CSMD3: variants seen among roughly 807,000 people sequenced by gnomAD.
CSMD3 encodes CUB and Sushi multiple domains 3, also known as CUB and sushi domain-containing protein 3.
Under a neutral mutation model 435.2 loss-of-function variants are expected in CSMD3, and 177 were observed. The ratio of observed to expected loss-of-function variants is 0.41; its 90% CI spans 0.36 to 0.46. The LOEUF (loss-of-function observed/expected upper bound fraction) is 0.46, where lower values mean the gene tolerates loss of function less well. Among genes scored for constraint, CSMD3 ranks in the 20% least tolerant of loss-of-function variants. CSMD3 has a pLI of 0.34. For synonymous variants in CSMD3, 1,656 were observed against 1,520.5 expected, an observed-to-expected ratio of 1.09 and a Z score of -2.07; for missense variants, 4,265 against 4,504.6, an observed-to-expected ratio of 0.95 and a Z score of 1.52.
chr8:113,284,079 C>A (rs1588439572), intron 2 of CSMD3, among the ~76,000 whole-genome samples: 1 of 152,006 alleles, frequency 6.6e-6, no homozygotes, highest in Admixed American at 6.6e-5. Flanking sequence ...ACTTTGGGGA[C>A]TTGGGGGAGA....
rs1832150891 is a variant in CSMD3, at chr8:112,409,485, T to C, written c.5396-453A>G. Among the ~76,000 whole-genome samples the C allele has an allele frequency of 3.9e-5, 6 of 152,150 alleles. No homozygotes were observed. The South Asian group carries it at 1.2e-3, about 31-fold the overall frequency. On this transcript the variant is annotated intron_variant, in intron 32 of 70. Coordinates refer to ENST00000297405, the MANE Select transcript of CSMD3 (RefSeq NM_198123.2). The stretch of plus-strand genomic sequence containing the variant: ...TTTTTTAAGTTGTCCTTAAAAATGT[T>C]ATTCCATTATGAGTAATAATTTCAT...
chr8:112,732,342 T>G (rs78003804), intron 13 of CSMD3, among the ~76,000 whole-genome samples: 2,090 of 152,238 alleles, frequency 0.014, 19 homozygotes, highest in Admixed American at 0.022. Context: ...GCTTATTTGT[T>G]AAAATGGGTT....
intron 38 of CSMD3, among the ~76,000 whole-genome samples, chr8:112,369,134 T>C (rs10108682): frequency 0.04 from 6,152 of 152,222 alleles, 143 homozygotes; most frequent in African/African-American, 0.047. Flanking sequence ...ACTTTGAAAG[T>C]AGTCATAGAC....
intron 10 of CSMD3, among the ~76,000 whole-genome samples, chr8:112,906,355 C>T (rs770950382): frequency 1.3e-5 from 2 of 151,256 alleles, no homozygotes; most frequent in African/African-American, 2.4e-5. Flanking sequence ...GCATCAAAAA[C>T]TTCACCCCAA....
chr8:113,094,151 T>C (rs530081409), intron 5 of CSMD3, among the ~76,000 whole-genome samples: 1 of 152,256 alleles, frequency 6.6e-6, no homozygotes, highest in South Asian at 2.1e-4. Flanking sequence ...ATATTTTCCA[T>C]AATCTAATCT....
chr8:112,739,902 T>G (rs2077265683), intron 13 of CSMD3, among the ~76,000 whole-genome samples: 1 of 151,860 alleles, frequency 6.6e-6, no homozygotes, highest in Admixed American at 6.6e-5. Flanking sequence ...ATCTGGATAT[T>G]ATGCATATTA....
At chr8:112,828,498 T>G (rs2079766287) in intron 12 of CSMD3, among the ~76,000 whole-genome samples, 1 of 152,048 alleles carries the variant, frequency 6.6e-6, no homozygotes, top group Admixed American at 6.6e-5. Flanking sequence ...TCTCTCTCTC[T>G]CTCCTGCCAC....
chr8:112,984,618 T>C (rs1254149533), intron 6 of CSMD3, among the ~76,000 whole-genome samples: 1 of 152,112 alleles, frequency 6.6e-6, no homozygotes, highest in Non-Finnish European at 1.5e-5. Context: ...GACAGATAAG[T>C]CTGTTGCTTA....
In CSMD3 at chr8:113,296,331, C is replaced by A. The variant is rs113724817; in HGVS notation, c.402-17627G>T. 4.0e-3 allele frequency among the ~76,000 whole-genome samples: 553 copies of A among 138,090 alleles called. 3 individuals are homozygous for A. Among genetic ancestry groups the A allele is most frequent in the Non-Finnish European group, 6.7e-3 (417 of 62,446 alleles). 90.6% of individuals were successfully genotyped at this position (138,090 alleles called of 152,430 possible). On this transcript the variant is annotated intron_variant, in intron 2 of 70. Transcript: ENST00000297405. ...AATAATAATAATAGAACAGCCTGGG[C>A]AACATGGTGAAACCACATCTCTACT...
rs1205473811 is a variant in CSMD3, at chr8:113,098,772, C to T, written c.901G>A (p.Glu301Lys). Residue 301 changes from glutamate to lysine, a missense_variant, in exon 5 of 71, where the codon GAG (glutamate) becomes AAG (lysine). Glu to Lys is a moderately conservative substitution (Grantham distance 56). Coordinates refer to ENST00000297405, the MANE Select transcript of CSMD3 (RefSeq NM_198123.2). ...TTTACTTACCATATGGTAGGTGGCT[C>T]AGAACCTTCTATTTCTAAGTAATCA... Reference protein sequence around the residue: ...KYDYLEIEGSEPPTIWLSGMN... With the variant: ...KYDYLEIEGSKPPTIWLSGMN... 6.2e-7 allele frequency: 1 copy of T among 1,609,400 alleles called. No individual in the cohort carries two copies. The highest frequency in any genetic ancestry group is 8.5e-7 in the Non-Finnish European group (1 of 1,176,202).
intron 27 of CSMD3, among the ~76,000 whole-genome samples, chr8:112,542,180 A>C (rs1826728467): frequency 6.6e-6 from 1 of 151,246 alleles, no homozygotes; most frequent in African/African-American, 2.4e-5. Flanking sequence ...ATATATCAAA[A>C]GACCACAGCT....
intron 3 of CSMD3, among the ~76,000 whole-genome samples, chr8:113,174,422 G>A (rs942215670): frequency 2.6e-5 from 4 of 152,086 alleles, no homozygotes; most frequent in East Asian, 3.9e-4. Flanking sequence ...AGTTAGGGAC[G>A]GTGAGCTAGA....
At chr8:112,409,145 T>G (rs1832113612) in intron 32 of CSMD3, 113 bp from the exon 33 acceptor site, 2 of 1,533,622 alleles carry the variant, frequency 1.3e-6, no homozygotes, top group Non-Finnish European at 1.8e-6. Flanking sequence ...TACAATATAA[T>G]AGTCATTTTT....
In CSMD3 at chr8:112,747,843, G is replaced by A. The variant is rs2132086247; in HGVS notation, c.1972+52319C>T. ...CCGGGCGCAGTGGCGGGCGCCTATA[G>A]TCCCAGCTACTCGGGAGGCTGAGGC... is the stretch of plus-strand genomic sequence containing the variant. On this transcript the variant is annotated intron_variant, in intron 13 of 70. Transcript: ENST00000297405. Among the ~76,000 whole-genome samples, 3 of 151,864 alleles carry A rather than the reference G, an allele frequency of 2.0e-5. No individual in the cohort carries two copies. The South Asian group carries it at 6.2e-4, about 32-fold the overall frequency.
At chr8:112,396,272 T>C (rs1374652507) in intron 35 of CSMD3, among the ~76,000 whole-genome samples, 1 of 152,158 alleles carries the variant, frequency 6.6e-6, no homozygotes, top group Non-Finnish European at 1.5e-5. Context: ...CTGACTTGGC[T>C]TAAGTTATTA....
intron 58 of CSMD3, among the ~76,000 whole-genome samples, chr8:112,284,913 T>G (rs931106447): frequency 6.6e-6 from 1 of 152,010 alleles, no homozygotes; most frequent in African/African-American, 2.4e-5. Context: ...AATTTTATAT[T>G]ACCGTGTTTA....
Position 113,319,268 on chromosome 8 carries a change from A to G in CSMD3, c.179-4475T>C, listed in dbSNP as rs1453691676. ...TAATCATACTTACGGGAGTAAGGCA[A>G]TATCTTATAGTGGTTTAAATTTGCA... On this transcript the variant is annotated intron_variant, in intron 1 of 70. Transcript: ENST00000297405. Among the ~76,000 whole-genome samples the G allele has an allele frequency of 9.2e-5, 14 of 152,018 alleles. No individual in the cohort carries two copies. In the East Asian group the frequency reaches 2.1e-3, roughly 23 times the overall value.
chr8:113,401,402 AT>A (rs1180938319), intron 1 of CSMD3, among the ~76,000 whole-genome samples: 1 of 151,692 alleles, frequency 6.6e-6, no homozygotes, highest in Admixed American at 6.6e-5. Context: ...TTTTATTTAA[AT>A]TTTATAGTCA....
chr8:113,100,697 T>G (rs945071874), intron 4 of CSMD3, among the ~76,000 whole-genome samples: 1 of 152,146 alleles, frequency 6.6e-6, no homozygotes, highest in Non-Finnish European at 1.5e-5. Context: ...ATTAGCTCAA[T>G]GTAGCCATTC....
Sources: gnomAD v4.1 joint callset for allele counts (sites outside exome capture counted in the v4.1 genomes callset) on GRCh38, gnomAD v4.1.1 for gene constraint, MANE v1.5 for transcripts, NCBI Gene and HGNC (gene_info 2026-07-23, HGNC 2026-07-21) for gene names.